LTBP4: variants seen among roughly 807,000 people sequenced by gnomAD.
LTBP4 encodes latent transforming growth factor beta binding protein 4, also known as latent-transforming growth factor beta-binding protein 4.
LTBP4 carries 93 observed loss-of-function variants against 180.2 expected under a neutral mutation model. That is an observed-to-expected ratio of 0.52 (90% CI 0.44 to 0.61). LTBP4 has a LOEUF of 0.61. Ranked by LOEUF, LTBP4 falls within the 20% of genes least tolerant of loss-of-function variation. The pLI is 0.00. For synonymous variants in LTBP4, 947 were observed against 934.5 expected (o/e 1.01, Z -0.24); for missense variants, 2,116 against 2,256.5 (o/e 0.94, Z 1.26).
At chr19:40,598,183 G>A (rs1249681610), upstream of LTBP4, among the ~76,000 whole-genome samples, 1 of 151,752 alleles carries the variant, frequency 6.6e-6, no homozygotes, top group Non-Finnish European at 1.5e-5. Flanking sequence ...TCCCGCCTGG[G>A]TCTCTGCGAA....
chr19:40,617,288 C>T, intron 21 of LTBP4, 63 bp downstream of exon 21: 2 of 1,562,666 alleles, frequency 1.3e-6, no homozygotes, highest in African/African-American at 1.4e-5. Context: ...AGGCCCTGTC[C>T]CTCCCCATAT....
rs760399372 is a variant in LTBP4, at chr19:40,610,672, G to C, written c.1810+15G>C. 6.4e-7 allele frequency: 1 copy of C among 1,572,614 alleles called. No homozygotes were observed. The highest frequency in any genetic ancestry group is 8.6e-7 in the Non-Finnish European group (1 of 1,161,966). On this transcript the variant is annotated intron_variant, in intron 12 of 29. Coordinates refer to ENST00000396819, the MANE Select transcript of LTBP4 (RefSeq NM_001042545.2). ...CAGCTGCCAGGGTGAGGGCCTGGGA[G>C]GGGCAGCTGGGAAGGGGTGTGAGCG...
chr19:40,627,582 C>A, intron 28 of LTBP4, 123 bp from the exon 29 acceptor site: 1 of 1,375,052 alleles, frequency 7.3e-7, no homozygotes, highest in Non-Finnish European at 9.8e-7. Context: ...GCACCCGCCA[C>A]AGCCCTGGAG....
upstream of LTBP4, among the ~76,000 whole-genome samples, chr19:40,600,834 C>G (rs1315262820): frequency 6.6e-6 from 1 of 152,122 alleles, no homozygotes; most frequent in Non-Finnish European, 1.5e-5. The surrounding 1 kb of genome is among the most constrained non-coding windows in gnomAD (Gnocchi z 4.4). Context: ...TGTATCCCCC[C>G]CACCTCCAGC....
At chr19:40,599,761 C>T, upstream of LTBP4, 1 of 591,518 alleles carries the variant, frequency 1.7e-6, no homozygotes, top group African/African-American at 1.9e-5. Flanking sequence ...TTATTTCTGT[C>T]TCTTTCTGTT....
At position 40,609,486 on chromosome 19, in the gene LTBP4, G is replaced by A; in HGVS notation, c.1427-44G>A. 1 of 1,600,948 alleles carries A rather than the reference G, an allele frequency of 6.2e-7. No individual in the cohort carries two copies. Among genetic ancestry groups the A allele is most frequent in the Non-Finnish European group, 8.5e-7 (1 of 1,170,268 alleles). On this transcript the variant is annotated intron_variant, in intron 9 of 29. Coordinates refer to ENST00000396819, the MANE Select transcript of LTBP4 (RefSeq NM_001042545.2). The surrounding 1 kb of genome is among the most constrained non-coding windows in gnomAD (Gnocchi z 4.9). Reference sequence around the variant, plus strand: ...GGGTTTTACTGGGATGAAAGGAACGGAGGATTCAGAGATGGGGGAACCCTG... The same window carrying A: ...GGGTTTTACTGGGATGAAAGGAACGAAGGATTCAGAGATGGGGGAACCCTG...
chr19:40,625,293 TATATATATATATATATATA>T lies in LTBP4; in HGVS notation c.3833-563_3833-545del, dbSNP rs1568414497. Among the ~76,000 whole-genome samples the T allele has an allele frequency of 5.1e-3, 65 of 12,816 alleles. 15 individuals are homozygous for T. Among genetic ancestry groups the T allele is most frequent in the African/African-American group, 0.049 (50 of 1,016 alleles). 8.4% of individuals were successfully genotyped at this position (12,816 alleles called of 152,430 possible). A position where few individuals can be genotyped will look rare whatever the true frequency, so the allele number is the denominator to read the frequency against. ...ATATATATATATATATATATATATA[TATATATATATATATATATA>T]TATATTTTTTTTTTTAAAGATGGGT... On this transcript the variant is annotated intron_variant, in intron 26 of 29. Coordinates refer to ENST00000396819, the MANE Select transcript of LTBP4 (RefSeq NM_001042545.2).
intron 27 of LTBP4, 89 bp downstream of exon 27, chr19:40,626,098 G>A (rs1236514066): frequency 7.0e-7 from 1 of 1,423,130 alleles, no homozygotes; most frequent in East Asian, 2.6e-5. Context: ...AGAACCCCCA[G>A]ACTCTATCCA....
chr19:40,623,122 G>C, intron 24 of LTBP4, 101 bp downstream of exon 24: 1 of 819,210 alleles, frequency 1.2e-6, no homozygotes, highest in South Asian at 2.1e-5. Context: ...CTGTTTCTCT[G>C]TATCTGTCTC....
Position 40,605,476 on chromosome 19 carries a change from C to G in LTBP4, c.514C>G (p.Arg172Gly). 3 of 1,612,262 alleles carry G rather than the reference C, an allele frequency of 1.9e-6. No homozygotes were observed. Among genetic ancestry groups the G allele is most frequent in the Non-Finnish European group, 2.5e-6 (3 of 1,179,834 alleles). Residue 172 changes from arginine to glycine, a missense_variant, in exon 3 of 30, where the codon CGT becomes GGT. This residue lies in a region of LTBP4 where 469 missense variants were observed against 532.5 expected (regional missense o/e 0.88). Transcript: ENST00000396819. This position sits in a 1 kb window ranked among gnomAD's most constrained non-coding sequence, Gnocchi z 5.5. ...EASVVVHQVE[R>G]VSGPWEEADA... ...GTCGGTGGTGGTGCACCAGGTGGAG[C>G]GTGTGTCTGGCCCTTGGGAGGAGGC...
Position 40,608,315 on chromosome 19 carries a change from C to T in LTBP4, c.1252C>T (p.Arg418Ter), listed in dbSNP as rs397515430. The change falls in exon 8 of 30, where the codon CGA becomes TGA. Residue 418 changes from arginine to a stop codon, truncating the protein, a stop_gained. Transcript: ENST00000396819. LOFTEE classifies it high-confidence loss of function. ...NTRPLGQEPP[R>*]VSLSQPRTLP... ...CAGACCCCTGGGCCAGGAGCCACCC[C>T]GAGTGTCACTCAGCCAGCCTCGTAC... The T allele has an allele frequency of 6.2e-7, 1 of 1,613,666 alleles. No homozygotes were observed. Among genetic ancestry groups the T allele is most frequent in the Admixed American group, 1.7e-5 (1 of 59,972 alleles).
At position 40,613,807 on chromosome 19, in the gene LTBP4, G is replaced by C; in HGVS notation, c.2558-109G>C. On this transcript the variant is annotated intron_variant, in intron 17 of 29. Coordinates refer to ENST00000396819, the MANE Select transcript of LTBP4 (RefSeq NM_001042545.2). The surrounding 1 kb of genome is among the most constrained non-coding windows in gnomAD (Gnocchi z 5.0). Reference sequence around the variant, plus strand: ...GGAGGGAAGTAGCGTGAGGCAGGTTGGGGAAGGCGTGAGAGGCCTAGGAGA... The same window carrying C: ...GGAGGGAAGTAGCGTGAGGCAGGTTCGGGAAGGCGTGAGAGGCCTAGGAGA... 3 of 1,503,848 alleles carry C rather than the reference G, an allele frequency of 2.0e-6. No individual in the cohort carries two copies. The highest frequency in any genetic ancestry group is 2.7e-6 in the Non-Finnish European group (3 of 1,101,596). The allele number at this position is 1,503,848 out of a possible 1,614,324, so 93.2% of individuals were successfully genotyped here. A position where few individuals can be genotyped will look rare whatever the true frequency, so the allele number is the denominator to read the frequency against.
upstream of LTBP4, chr19:40,597,278 T>C (rs1190392252): frequency 2.6e-6 from 4 of 1,521,456 alleles, no homozygotes; most frequent in East Asian, 2.6e-5. Flanking sequence ...CTCCTGCTGG[T>C]GCTGTTGCTG....
intron 9 of LTBP4, chr19:40,608,920 A>G (rs2081484670): frequency 8.0e-6 from 2 of 250,090 alleles, no homozygotes; most frequent in Non-Finnish European, 7.8e-6. Flanking sequence ...AAAAAAAAAA[A>G]AGAATTCAGG....
chr19:40,628,312 G>T (rs1219946720), intron 29 of LTBP4, among the ~76,000 whole-genome samples: 1 of 152,160 alleles, frequency 6.6e-6, no homozygotes, highest in Non-Finnish European at 1.5e-5. Context: ...AGGCCGAGGC[G>T]GGCGGATCAT....
In LTBP4 at chr19:40,601,548, G is replaced by T; in HGVS notation, c.161G>T (p.Cys54Phe). Residue 54 changes from cysteine to phenylalanine, a missense_variant, in exon 1 of 30, where the codon TGT becomes TTT. Physicochemically the swap from Cys to Phe is radical, Grantham distance 205. Transcript: ENST00000396819. The part of the protein sequence containing the change: ...RCVHGPTGSR[C>F]TPTCAPRNAT... ...GTCCATGGGCCGACCGGCTCCCGCTGTACCCCGACCTGCGCGCCCCGCAAC... is the reference window on the plus strand; with the variant it reads ...GTCCATGGGCCGACCGGCTCCCGCTTTACCCCGACCTGCGCGCCCCGCAAC... The T allele has an allele frequency of 6.7e-7, 1 of 1,487,182 alleles. No individual in the cohort carries two copies. The highest frequency in any genetic ancestry group is 8.9e-7 in the Non-Finnish European group (1 of 1,125,294). 92.1% of individuals were successfully genotyped at this position (1,487,182 alleles called of 1,614,324 possible). A position where few individuals can be genotyped will look rare whatever the true frequency, so the allele number is the denominator to read the frequency against.
intron 22 of LTBP4, among the ~76,000 whole-genome samples, chr19:40,621,780 G>T (rs1409295075): frequency 6.6e-6 from 1 of 152,134 alleles, no homozygotes; most frequent in African/African-American, 2.4e-5. Context: ...ACAGAGTCTC[G>T]CTCTGTCGCC....
chr19:40,619,522 GGCGGCT>G, intron 22 of LTBP4, 29 bp downstream of exon 22: 1 of 1,579,098 alleles, frequency 6.3e-7, no homozygotes. Context: ...TTTAACTGAT[GGCGGCT>G]GGCCCCATGG....
chr19:40,624,650 T>C (rs535309428), intron 26 of LTBP4, among the ~76,000 whole-genome samples: 26 of 152,302 alleles, frequency 1.7e-4, no homozygotes, highest in Non-Finnish European at 2.9e-4. Context: ...CCGCCTGCCT[T>C]GGCCTCCCAA....
Sources: gnomAD v4.1 joint callset for allele counts (sites outside exome capture counted in the v4.1 genomes callset) on GRCh38, gnomAD v4.1.1 for gene constraint, gnomAD v4.1.1 regional missense constraint, Gnocchi (gnomAD v3.1) non-coding constraint, MANE v1.5 for transcripts, NCBI Gene and HGNC (gene_info 2026-07-23, HGNC 2026-07-21) for gene names.